TTC1: variants seen among roughly 807,000 people sequenced by gnomAD.
The protein encoded by TTC1 is tetratricopeptide repeat protein 1.
Under a neutral mutation model 37.6 loss-of-function variants are expected in TTC1, and 31 were observed. The ratio of observed to expected loss-of-function variants is 0.82; its 90% CI spans 0.62 to 1.11. The LOEUF is 1.11. Ranked by LOEUF, TTC1 falls within the 50% of genes most tolerant of loss-of-function variation. The pLI is 0.00. For missense variants in TTC1, 351 were observed against 339.0 expected (o/e 1.04, Z -0.28); for synonymous variants, 127 against 122.4 (o/e 1.04, Z -0.25).
At chr5:160,029,481 C>CA (rs61227502) in intron 2 of TTC1, among the ~76,000 whole-genome samples, 2,012 of 79,848 alleles carry the variant, frequency 0.025, 53 homozygotes, top group African/African-American at 0.063. Context: ...CCCATCTCTA[C>CA]AAAAAAAAAA....
chr5:160,065,059 CAGATAACAA>C lies in TTC1; in HGVS notation c.*5_*13del, dbSNP rs775006973. On this transcript the variant is annotated stop_retained_variant and 3_prime_UTR_variant, in exon 8 of 8. Transcript: ENST00000231238. ...ATTTCGTTCAAAATCCAAATAATAA[CAGATAACAA>C]AGATAACAAAAGCTTTACAAGCTGA... The C allele has an allele frequency of 1.9e-5, 31 of 1,609,876 alleles. No homozygotes were observed. Among genetic ancestry groups the C allele is most frequent in the Non-Finnish European group, 2.5e-5 (30 of 1,179,224 alleles).
intron 4 of TTC1, 127 bp from the exon 5 acceptor site, chr5:160,043,006 C>T (rs1031224334): frequency 3.0e-5 from 29 of 962,380 alleles, no homozygotes; most frequent in South Asian, 1.3e-4. Flanking sequence ...CAGGTTTTTA[C>T]GTAATTTCTT....
intron 2 of TTC1, among the ~76,000 whole-genome samples, chr5:160,023,221 A>G (rs1474178882): frequency 1.3e-5 from 2 of 150,014 alleles, no homozygotes; most frequent in East Asian, 4.0e-4. Context: ...GCATCACTGC[A>G]CTCCAGCCTG....
At chr5:160,058,315 G>A (rs1342547261) in intron 7 of TTC1, among the ~76,000 whole-genome samples, 5 of 151,822 alleles carry the variant, frequency 3.3e-5, no homozygotes, top group Admixed American at 2.0e-4. Context: ...CCCCCTCAAA[G>A]TCATCCATGA....
chr5:160,031,640 A>G (rs1756912139), intron 2 of TTC1, among the ~76,000 whole-genome samples: 1 of 152,014 alleles, frequency 6.6e-6, no homozygotes, highest in African/African-American at 2.4e-5. Flanking sequence ...TAAATAAAAA[A>G]TAACCTCAGA....
At chr5:160,059,860 A>T (rs1437153456) in intron 7 of TTC1, among the ~76,000 whole-genome samples, 3 of 152,354 alleles carry the variant, frequency 2.0e-5, no homozygotes, top group Non-Finnish European at 4.4e-5. Flanking sequence ...TATGAAAGAG[A>T]CATGAAATGA....
At chr5:160,061,915 C>G (rs1065119) in intron 7 of TTC1, 81,999 of 151,504 alleles carry the variant, frequency 0.54, 22,233 homozygotes, top group African/African-American at 0.6. Flanking sequence ...GCCGGGGGAG[C>G]GGGGAAGTTT....
intron 2 of TTC1, among the ~76,000 whole-genome samples, chr5:160,018,943 G>T (rs1394331640): frequency 6.6e-6 from 1 of 152,210 alleles, no homozygotes; most frequent in South Asian, 2.1e-4. Flanking sequence ...GGAGTGAGAC[G>T]TTAGAATGAT....
chr5:160,023,923 C>G, intron 2 of TTC1: 1 of 1,584,700 alleles, frequency 6.3e-7, no homozygotes. Flanking sequence ...ACTCTGCTGA[C>G]TTTGCCTCTT....
chr5:160,055,846 G>A (rs566961520), intron 7 of TTC1, among the ~76,000 whole-genome samples: 1 of 152,346 alleles, frequency 6.6e-6, no homozygotes, highest in African/African-American at 2.4e-5. Context: ...TTGTGTTGTA[G>A]CTGCAGCAGA....
chr5:160,042,674 A>G (rs1757120026), intron 4 of TTC1, among the ~76,000 whole-genome samples: 4 of 152,314 alleles, frequency 2.6e-5, no homozygotes, highest in South Asian at 2.1e-4. Context: ...CTGAGACTAC[A>G]TGACAAGCCA....
intron 7 of TTC1, among the ~76,000 whole-genome samples, chr5:160,063,150 T>G (rs546137297): frequency 2.0e-5 from 3 of 152,326 alleles, no homozygotes; most frequent in African/African-American, 7.2e-5. Flanking sequence ...CTGGACATAG[T>G]GAGCTTCCTT....
intron 2 of TTC1, among the ~76,000 whole-genome samples, chr5:160,019,674 G>A (rs1367671647): frequency 1.5e-5 from 2 of 134,592 alleles, no homozygotes; most frequent in Non-Finnish European, 3.1e-5. Flanking sequence ...TGCAACCTCC[G>A]CCTCCCGGAT....
chr5:160,017,717 G>C (rs1756632133), intron 2 of TTC1, among the ~76,000 whole-genome samples: 1 of 152,206 alleles, frequency 6.6e-6, no homozygotes, highest in Non-Finnish European at 1.5e-5. Flanking sequence ...GCTGAGGCTT[G>C]AGGACCACTG....
At position 160,049,051 on chromosome 5, in the gene TTC1, G is replaced by A. The variant is rs556580501; in HGVS notation, c.542-463G>A. ...ACAAGTAGGCAAAAACCAGGACTTG[G>A]AGTATAGACCAGGATATGGCAAACT... On this transcript the variant is annotated intron_variant, in intron 5 of 7. Transcript: ENST00000231238. Among the ~76,000 whole-genome samples, 5 of 152,318 alleles carry A rather than the reference G, an allele frequency of 3.3e-5. No homozygotes were observed. The South Asian group carries it at 8.3e-4, about 25-fold the overall frequency.
chr5:160,020,692 T>G (rs1756689277), intron 2 of TTC1, among the ~76,000 whole-genome samples: 1 of 152,264 alleles, frequency 6.6e-6, no homozygotes, highest in African/African-American at 2.4e-5. Context: ...GCAAGGGATC[T>G]GTGTTGCCTG....
chr5:160,055,398 G>T (rs180976826), intron 7 of TTC1, among the ~76,000 whole-genome samples: 103 of 152,268 alleles, frequency 6.8e-4, no homozygotes, highest in African/African-American at 2.1e-3. Flanking sequence ...CCCTACCCAG[G>T]CAGCTTTAGC....
chr5:160,010,682 C>T lies in TTC1; in HGVS notation c.154C>T (p.His52Tyr), dbSNP rs141210936. 5 of 1,613,580 alleles carry T rather than the reference C, an allele frequency of 3.1e-6. No individual in the cohort carries two copies. The African/African-American group carries it at 4.0e-5, about 13-fold the overall frequency. ...TAAGCTGCTCAGGGATGATGAGGCC[C>T]ATCTCCAGGAGGACCAGGGAGAAGA... Reference protein sequence around the residue: ...QSKLLRDDEAHLQEDQGEEEC... With the variant: ...QSKLLRDDEAYLQEDQGEEEC... The change falls in exon 2 of 8, where the codon CAT becomes TAT. Residue 52 changes from histidine to tyrosine, a missense_variant. Coordinates refer to ENST00000231238, the MANE Select transcript of TTC1 (RefSeq NM_003314.3).
chr5:160,023,785 T>C (rs1476051323), intron 2 of TTC1: 1 of 1,613,480 alleles, frequency 6.2e-7, no homozygotes, highest in South Asian at 1.1e-5. Flanking sequence ...TGTCTTTTGA[T>C]GTGTGCCTTG....
Sources: gnomAD v4.1 joint callset for allele counts (sites outside exome capture counted in the v4.1 genomes callset) on GRCh38, gnomAD v4.1.1 for gene constraint, MANE v1.5 for transcripts, NCBI Gene and HGNC (gene_info 2026-07-23, HGNC 2026-07-21) for gene names.